The following RPS6KC1 variants were observed in gnomAD, a reference collection of about 807,000 sequenced individuals.
RPS6KC1 encodes the protein ribosomal protein S6 kinase C1.
RPS6KC1 carries 54 observed loss-of-function variants against 103.8 expected under a neutral mutation model. That is an observed-to-expected ratio of 0.52 (90% CI 0.42 to 0.65). The LOEUF (loss-of-function observed/expected upper bound fraction) is 0.65. Ranked by LOEUF, RPS6KC1 falls within the 30% of genes least tolerant of loss-of-function variation. The pLI is 0.00. For missense variants in RPS6KC1, 1,151 were observed against 1,253.8 expected (o/e 0.92, Z 1.24); for synonymous variants, 439 against 438.7 (o/e 1.00, Z -0.01).
chr1:213,301,252 A>C, the RPS6KC1 span, among the ~76,000 whole-genome samples: 1 of 152,200 alleles, frequency 6.6e-6, no homozygotes, highest in Non-Finnish European at 1.5e-5. Context: ...GAGATAGCCT[A>C]ATATGACAAT....
At chr1:213,745,823 G>T in the RPS6KC1 span, among the ~76,000 whole-genome samples, 1 of 152,272 alleles carries the variant, frequency 6.6e-6, no homozygotes, top group South Asian at 2.1e-4. Context: ...GTGCTTTGAA[G>T]GATGCTCAGG....
intron 4 of RPS6KC1, among the ~76,000 whole-genome samples, chr1:213,108,106 C>G (rs2082666775): frequency 6.6e-6 from 1 of 152,068 alleles, no homozygotes; most frequent in Non-Finnish European, 1.5e-5. Flanking sequence ...AAGCTTTTAG[C>G]TTTGATATGA....
At chr1:213,316,113 A>C in the RPS6KC1 span, among the ~76,000 whole-genome samples, 98 of 152,296 alleles carry the variant, frequency 6.4e-4, no homozygotes, top group African/African-American at 2.2e-3. Flanking sequence ...TCATGGGGGC[A>C]GTTTCCCCAC....
chr1:213,208,110 A>G (rs545914126), intron 8 of RPS6KC1, among the ~76,000 whole-genome samples: 2 of 152,140 alleles, frequency 1.3e-5, no homozygotes, highest in Admixed American at 6.5e-5. Context: ...GCGTATTCTT[A>G]TATGTATCTA....
chr1:213,138,868 C>G (rs1309282031), intron 6 of RPS6KC1, among the ~76,000 whole-genome samples: 1 of 152,048 alleles, frequency 6.6e-6, no homozygotes. Flanking sequence ...GAGCATATAC[C>G]CAGTAATGGA....
the RPS6KC1 span, among the ~76,000 whole-genome samples, chr1:213,413,003 G>T: frequency 6.6e-6 from 1 of 152,262 alleles, no homozygotes; most frequent in South Asian, 2.1e-4. Flanking sequence ...TAAGATCCTT[G>T]AGGATCTTAA....
At chr1:213,800,722 C>T in the RPS6KC1 span, among the ~76,000 whole-genome samples, 1 of 152,160 alleles carries the variant, frequency 6.6e-6, no homozygotes, top group East Asian at 1.9e-4. Flanking sequence ...TCTTAGCAGA[C>T]ATTAAACAAT....
At chr1:213,752,311 T>C in the RPS6KC1 span, among the ~76,000 whole-genome samples, 1 of 151,240 alleles carries the variant, frequency 6.6e-6, no homozygotes, top group African/African-American at 2.4e-5. Context: ...TGGATCACAG[T>C]CCAAAAACAC....
the RPS6KC1 span, among the ~76,000 whole-genome samples, chr1:213,773,261 C>T: frequency 1.8e-5 from 1 of 57,060 alleles, no homozygotes; most frequent in Non-Finnish European, 4.6e-5. Context: ...CCCTTTGGAG[C>T]GAGAGAATGG....
the RPS6KC1 span, among the ~76,000 whole-genome samples, chr1:213,620,472 A>G: frequency 5.3e-5 from 8 of 152,218 alleles, no homozygotes; most frequent in East Asian, 1.9e-4. Context: ...CCAAGAGACT[A>G]AGATAGAAAC....
chr1:213,478,577 CATT>C, the RPS6KC1 span, among the ~76,000 whole-genome samples: 3 of 152,200 alleles, frequency 2.0e-5, no homozygotes, highest in South Asian at 2.1e-4. Flanking sequence ...AGTGGTATCT[CATT>C]GTTGTTTTAA....
the RPS6KC1 span, among the ~76,000 whole-genome samples, chr1:213,310,701 A>G: frequency 2.4e-3 from 364 of 152,360 alleles, 2 homozygotes; most frequent in African/African-American, 8.2e-3. Flanking sequence ...TTGAACACGA[A>G]CGTAGTCAAT....
At chr1:213,423,956 T>C in the RPS6KC1 span, among the ~76,000 whole-genome samples, 1 of 152,256 alleles carries the variant, frequency 6.6e-6, no homozygotes, top group East Asian at 1.9e-4. Flanking sequence ...TATTTGATTA[T>C]TTGCTTTTAA....
chr1:213,606,578 C>G, the RPS6KC1 span, among the ~76,000 whole-genome samples: 1 of 152,212 alleles, frequency 6.6e-6, no homozygotes, highest in Non-Finnish European at 1.5e-5. Flanking sequence ...AATAACTGCT[C>G]TGAGGGAGTG....
intron 10 of RPS6KC1, among the ~76,000 whole-genome samples, chr1:213,239,430 A>G (rs990036260): frequency 2.6e-5 from 4 of 152,146 alleles, no homozygotes; most frequent in African/African-American, 9.7e-5. Flanking sequence ...TAATATTATG[A>G]CAATTAGCCT....
chr1:213,590,778 TGGC>T, the RPS6KC1 span, among the ~76,000 whole-genome samples: 4 of 148,756 alleles, frequency 2.7e-5, no homozygotes, highest in African/African-American at 1.0e-4. Flanking sequence ...CGGGTGGTGG[TGGC>T]GGCGAGTCCT....
chr1:213,239,948 A>G (rs957520819), intron 10 of RPS6KC1, among the ~76,000 whole-genome samples: 3 of 152,182 alleles, frequency 2.0e-5, no homozygotes, highest in Non-Finnish European at 4.4e-5. Context: ...AATAATAACT[A>G]CAAGTATTGC....
chr1:213,163,647 ATTAG>A (rs1274373369), intron 6 of RPS6KC1, among the ~76,000 whole-genome samples: 1 of 152,032 alleles, frequency 6.6e-6, no homozygotes, highest in Non-Finnish European at 1.5e-5. Context: ...ACTGAATTTT[ATTAG>A]TTCCATGAGT....
the RPS6KC1 span, among the ~76,000 whole-genome samples, chr1:213,406,440 A>T: frequency 6.6e-6 from 1 of 152,120 alleles, no homozygotes; most frequent in East Asian, 1.9e-4. Flanking sequence ...ATCAATGAAC[A>T]TGTGACTAGC....
Sources: gnomAD v4.1 joint callset for allele counts (sites outside exome capture counted in the v4.1 genomes callset) on GRCh38, gnomAD v4.1.1 for gene constraint, MANE v1.5 for transcripts, NCBI Gene and HGNC (gene_info 2026-07-23, HGNC 2026-07-21) for gene names.